Variants in PKD2L1 observed in about 807,000 individuals in gnomAD.
The protein encoded by PKD2L1 is polycystin 2 like 1, transient receptor potential cation channel.
In PKD2L1, 77 loss-of-function variants were observed where a neutral mutation model predicts 93.0. That is an observed-to-expected ratio of 0.83 (90% confidence interval 0.69 to 1.00). The LOEUF is 1.00. PKD2L1 is among the 50% of genes least tolerant of loss of function. The pLI, the probability that PKD2L1 is intolerant of heterozygous loss-of-function variation, is 0.00. For missense variants in PKD2L1, 977 were observed against 990.9 expected (o/e 0.99, Z 0.19); for synonymous variants, 390 against 388.0 (o/e 1.01, Z -0.06).
chr10:100,325,727 C>A (rs549572899), intron 2 of PKD2L1, among the ~76,000 whole-genome samples: 23 of 152,300 alleles, frequency 1.5e-4, no homozygotes, highest in Middle Eastern at 3.4e-3. Context: ...CCCTCCACTG[C>A]TGGCTGGGTT....
intron 2 of PKD2L1, among the ~76,000 whole-genome samples, chr10:100,327,603 T>C (rs145094739): frequency 1.0e-3 from 158 of 152,336 alleles, no homozygotes; most frequent in Non-Finnish European, 1.9e-3. Context: ...AGAGAAAGGC[T>C]CTGCCTGTGG....
At chr10:100,293,229 T>A in intron 10 of PKD2L1, 52 bp downstream of exon 10, 2 of 1,519,980 alleles carry the variant, frequency 1.3e-6, no homozygotes, top group Non-Finnish European at 1.8e-6. Context: ...ACACAGAGCC[T>A]TAGACTGGGG....
At chr10:100,326,408 C>T (rs1849381079) in intron 2 of PKD2L1, among the ~76,000 whole-genome samples, 1 of 152,218 alleles carries the variant, frequency 6.6e-6, no homozygotes, top group South Asian at 2.1e-4. Context: ...ATGCTCTCCC[C>T]TCTTCCCAGA....
At chr10:100,313,294 G>C (rs562757258) in intron 2 of PKD2L1, among the ~76,000 whole-genome samples, 6 of 152,266 alleles carry the variant, frequency 3.9e-5, no homozygotes, top group Admixed American at 2.6e-4. Context: ...AGAAACCAAG[G>C]AAGCCTGAGA....
Position 100,299,657 on chromosome 10 carries a change from GAA to G in PKD2L1, c.409_410del (p.Phe137LeufsTer54). ...CTCCAGTGTCTGATGGAGTATGTAAGAAGAGCTCAGACATCACTTTGGTGTAG... is the reference window on the plus strand; with the variant it reads ...CTCCAGTGTCTGATGGAGTATGTAAGGAGCTCAGACATCACTTTGGTGTAG... ...YYYTKVMSELFLHTPSDTGVS... is the reference protein window; with the variant it reads ...YYYTKVMSELXLHTPSDTGVS... On this transcript the variant is annotated frameshift_variant, in exon 3 of 16. Coordinates refer to ENST00000318222, the MANE Select transcript of PKD2L1 (RefSeq NM_016112.3). LOFTEE classifies it high-confidence loss of function. 1 of 1,612,684 alleles carries G rather than the reference GAA, an allele frequency of 6.2e-7. No individual in the cohort carries two copies. The highest frequency in any genetic ancestry group is 8.5e-7 in the Non-Finnish European group (1 of 1,178,614).
chr10:100,289,494 G>T (rs1165391437), intron 14 of PKD2L1, among the ~76,000 whole-genome samples: 1 of 152,228 alleles, frequency 6.6e-6, no homozygotes, highest in South Asian at 2.1e-4. Flanking sequence ...AGCCGAGATC[G>T]TGCCATTGCA....
At chr10:100,304,178 A>G (rs1379133163) in intron 2 of PKD2L1, among the ~76,000 whole-genome samples, 1 of 152,208 alleles carries the variant, frequency 6.6e-6, no homozygotes, top group African/African-American at 2.4e-5. Flanking sequence ...AAAATTTTCT[A>G]AATTAGAATC....
rs1229196545 is a variant in PKD2L1 at position 100,298,588 on chromosome 10, G to C, written c.705C>G (p.Leu235=). ...CTGTGCCATTGAAGGGCCCAAAGGG[G>C]AGTTGTTCTTCTTTGTCTGGAGAGT... ...DVYSPDKEEQ[L]PFGPFNGTAW... is the part of the protein sequence containing the mutation. The change falls in exon 4 of 16, where the codon CTC becomes CTG. Residue 235 remains leucine, a synonymous_variant. Transcript: ENST00000318222. 6.2e-7 allele frequency: 1 copy of C among 1,614,048 alleles called. No individual in the cohort carries two copies. Among genetic ancestry groups the C allele is most frequent in the African/African-American group, 1.3e-5 (1 of 74,924 alleles).
intron 2 of PKD2L1, among the ~76,000 whole-genome samples, chr10:100,309,068 T>C (rs1024812659): frequency 5.3e-5 from 8 of 152,146 alleles, no homozygotes; most frequent in Non-Finnish European, 8.8e-5. Context: ...TGCACAAAAA[T>C]GATACCTGGG....
intron 2 of PKD2L1, among the ~76,000 whole-genome samples, chr10:100,301,799 G>A (rs11814768): frequency 0.053 from 8,083 of 152,254 alleles, 697 homozygotes; most frequent in African/African-American, 0.18. Context: ...ACAGGCATAG[G>A]AAATTATAAG....
At chr10:100,315,564 A>C (rs1726901265) in intron 2 of PKD2L1, among the ~76,000 whole-genome samples, 1 of 152,186 alleles carries the variant, frequency 6.6e-6, no homozygotes, top group African/African-American at 2.4e-5. Context: ...GCTGAGAATG[A>C]AGAGGGATTT....
Position 100,294,560 on chromosome 10 carries a change from A to G in PKD2L1, c.1634T>C (p.Val545Ala), listed in dbSNP as rs1167866666. The G allele has an allele frequency of 6.2e-7, 1 of 1,614,084 alleles. No homozygotes were observed. The highest frequency in any genetic ancestry group is 1.7e-5 in the Admixed American group (1 of 60,010). Residue 545 changes from valine (V) to alanine (A), a missense_variant, in exon 9 of 16, where the codon GTC becomes GCC. Physicochemically the swap from Val to Ala is moderately conservative, Grantham distance 64. Coordinates refer to ENST00000318222, the MANE Select transcript of PKD2L1 (RefSeq NM_016112.3). ...CAGGAGCACGAAGAAGACGAAGAAGACATAGGTGACAAAGTAGGCAGGGCC... is the reference window on the plus strand; with the variant it reads ...CAGGAGCACGAAGAAGACGAAGAAGGCATAGGTGACAAAGTAGGCAGGGCC... ...ILGPAYFVTYVFFVFFVLLNM... is the reference protein window; with the variant it reads ...ILGPAYFVTYAFFVFFVLLNM...
intron 2 of PKD2L1, among the ~76,000 whole-genome samples, chr10:100,316,998 G>A (rs958531540): frequency 2.0e-5 from 3 of 152,016 alleles, no homozygotes; most frequent in Admixed American, 6.5e-5. Context: ...TGAGGTGGGA[G>A]GATCCCTTGA....
intron 2 of PKD2L1, among the ~76,000 whole-genome samples, chr10:100,314,744 A>G (rs541716038): frequency 2.0e-4 from 31 of 151,942 alleles, no homozygotes; most frequent in African/African-American, 7.2e-4. Flanking sequence ...CTAGAAAACA[A>G]TTGAAATGGG....
intron 10 of PKD2L1, 78 bp from the exon 11 acceptor site, chr10:100,293,147 G>T: frequency 6.3e-7 from 1 of 1,587,622 alleles, no homozygotes; most frequent in Non-Finnish European, 8.6e-7. Context: ...CCCATAGTAT[G>T]CCAGGCTTCC....
chr10:100,308,673 G>T (rs1848863284), intron 2 of PKD2L1, among the ~76,000 whole-genome samples: 1 of 152,116 alleles, frequency 6.6e-6, no homozygotes. Flanking sequence ...AGATAATATA[G>T]CAAGCAAGTA....
At chr10:100,315,924 A>C (rs542372865) in intron 2 of PKD2L1, among the ~76,000 whole-genome samples, 1 of 151,700 alleles carries the variant, frequency 6.6e-6, no homozygotes, top group Non-Finnish European at 1.5e-5. Flanking sequence ...AAAAACAGTT[A>C]AAAACAGTTT....
At chr10:100,301,853 A>G (rs1057053899) in intron 2 of PKD2L1, among the ~76,000 whole-genome samples, 4 of 152,162 alleles carry the variant, frequency 2.6e-5, no homozygotes, top group African/African-American at 7.2e-5. Flanking sequence ...AATCTTCACA[A>G]TTTATGTTCT....
chr10:100,292,902 A>C (rs753002185), intron 11 of PKD2L1, 46 bp downstream of exon 11: 1 of 1,590,532 alleles, frequency 6.3e-7, no homozygotes, highest in African/African-American at 1.3e-5. Flanking sequence ...AGGGTTGAGG[A>C]CTTAAGAGAC....
Sources: allele counts gnomAD v4.1 joint callset (sites outside exome capture counted in the v4.1 genomes callset), GRCh38; gene constraint gnomAD v4.1.1; transcripts MANE v1.5; gene names NCBI Gene and HGNC (gene_info 2026-07-23, HGNC 2026-07-21).